Variants in PHTF2 observed in about 807,000 individuals in gnomAD.
The protein encoded by PHTF2 is putative homeodomain transcription factor 2.
A neutral mutation model predicts 101.2 loss-of-function variants in PHTF2; 60 were observed. The observed-to-expected ratio is 0.59, with a 90% CI of 0.48 to 0.73. The LOEUF is 0.73. Ranked by LOEUF, PHTF2 falls within the 30% of genes least tolerant of loss-of-function variation. PHTF2 has a pLI of 0.00. For missense variants in PHTF2, 747 were observed against 908.7 expected, an observed-to-expected ratio of 0.82 and a Z score of 2.29; for synonymous variants, 311 against 307.3, an observed-to-expected ratio of 1.01 and a Z score of -0.13.
chr7:77,804,762 G>A (rs1039330061), intron 1 of PHTF2, among the ~76,000 whole-genome samples: 7 of 152,100 alleles, frequency 4.6e-5, no homozygotes, highest in East Asian at 1.9e-4. Flanking sequence ...ATCATGCCTC[G>A]TCCCAACACC....
At chr7:77,900,381 A>G (rs1801281328) in intron 5 of PHTF2, among the ~76,000 whole-genome samples, 1 of 152,120 alleles carries the variant, frequency 6.6e-6, no homozygotes, top group African/African-American at 2.4e-5. Context: ...CGCTCTCCAA[A>G]TGCCAATATG....
chr7:77,845,374 A>G (rs1394478276), intron 2 of PHTF2, among the ~76,000 whole-genome samples: 8 of 152,224 alleles, frequency 5.3e-5, no homozygotes, highest in Non-Finnish European at 1.2e-4. Context: ...ATAGTAAAAC[A>G]GTGAATTTAG....
At chr7:77,916,608 T>C (rs993892883) in intron 9 of PHTF2, among the ~76,000 whole-genome samples, 5 of 151,884 alleles carry the variant, frequency 3.3e-5, no homozygotes, top group Admixed American at 2.0e-4. Flanking sequence ...CCATGGGAGA[T>C]TGGTTCTGGG....
chr7:77,860,444 G>A (rs1183934168), intron 3 of PHTF2, among the ~76,000 whole-genome samples: 1 of 152,154 alleles, frequency 6.6e-6, no homozygotes, highest in Non-Finnish European at 1.5e-5. Context: ...GCTGTCCTAG[G>A]TTAGCTGGTT....
chr7:77,836,962 T>C (rs560024816), intron 1 of PHTF2, among the ~76,000 whole-genome samples: 1 of 118,652 alleles, frequency 8.4e-6, no homozygotes, highest in Non-Finnish European at 1.8e-5. Flanking sequence ...ACTTAAAGTA[T>C]AATAAAAAAA....
chr7:77,931,179 A>G (rs541095431), intron 12 of PHTF2, among the ~76,000 whole-genome samples: 2 of 152,364 alleles, frequency 1.3e-5, no homozygotes, highest in Admixed American at 6.5e-5. Context: ...AGAAGAAAAT[A>G]CAGGAGAAAA....
chr7:77,890,307 G>C (rs1209217653), intron 3 of PHTF2, among the ~76,000 whole-genome samples: 2 of 152,086 alleles, frequency 1.3e-5, no homozygotes, highest in Non-Finnish European at 2.9e-5. Context: ...TACCATGCTG[G>C]AGTTGCACTG....
intron 1 of PHTF2, among the ~76,000 whole-genome samples, chr7:77,823,792 A>C (rs1234099317): frequency 2.0e-5 from 3 of 152,252 alleles, no homozygotes; most frequent in Non-Finnish European, 2.9e-5. Context: ...AAACTGTGTG[A>C]AACAAAGTAG....
intron 3 of PHTF2, among the ~76,000 whole-genome samples, chr7:77,888,878 G>A (rs1800111750): frequency 6.6e-6 from 1 of 151,944 alleles, no homozygotes; most frequent in African/African-American, 2.4e-5. Context: ...AAAATAAGAG[G>A]GATACAGTAA....
At chr7:77,916,621 ACCTCCACCCACCACCACTCCCAACCACC>A (rs1802950741) in intron 9 of PHTF2, among the ~76,000 whole-genome samples, 1 of 151,830 alleles carries the variant, frequency 6.6e-6, no homozygotes, top group Admixed American at 6.6e-5. Context: ...GTTCTGGGAT[ACCTCCACCCACCACCACTCCCAACCACC>A]CCCCCACCCA....
At chr7:77,896,591 T>C (rs1388130195) in intron 5 of PHTF2, among the ~76,000 whole-genome samples, 3 of 152,084 alleles carry the variant, frequency 2.0e-5, no homozygotes, top group African/African-American at 4.8e-5. Flanking sequence ...AAACTTATCA[T>C]CCTCCCTACT....
intron 9 of PHTF2, among the ~76,000 whole-genome samples, chr7:77,914,272 G>A (rs921964972): frequency 1.3e-5 from 2 of 152,136 alleles, no homozygotes; most frequent in African/African-American, 4.8e-5. Flanking sequence ...CTGCCAAGGA[G>A]AGTCAGGAAG....
At chr7:77,807,102 C>G (rs992724151) in intron 1 of PHTF2, among the ~76,000 whole-genome samples, 7 of 152,104 alleles carry the variant, frequency 4.6e-5, no homozygotes, top group Non-Finnish European at 1.0e-4. Context: ...GAATAATATC[C>G]TGTCATATGT....
intron 1 of PHTF2, among the ~76,000 whole-genome samples, chr7:77,823,229 C>CTTTTTTTTT (rs983304219): frequency 8.1e-6 from 1 of 123,094 alleles, no homozygotes; most frequent in Non-Finnish European, 1.7e-5. Context: ...AAATTACTCT[C>CTTTTTTTTT]TTTTTTTTTG....
intron 3 of PHTF2, among the ~76,000 whole-genome samples, chr7:77,884,743 T>C (rs1255940860): frequency 5.9e-5 from 9 of 151,966 alleles, no homozygotes; most frequent in Non-Finnish European, 1.2e-4. Context: ...CCAAAAATGT[T>C]AAAAAATTAG....
intron 3 of PHTF2, among the ~76,000 whole-genome samples, chr7:77,881,515 G>GT (rs1428870144): frequency 3.9e-5 from 3 of 77,008 alleles, no homozygotes; most frequent in Non-Finnish European, 8.0e-5. Flanking sequence ...CCAATGGCTG[G>GT]TTTTGTTTTT....
intron 3 of PHTF2, among the ~76,000 whole-genome samples, chr7:77,871,444 T>C (rs1254815992): frequency 1.3e-5 from 2 of 152,140 alleles, no homozygotes; most frequent in African/African-American, 4.8e-5. Context: ...GAGTTGTGTC[T>C]CCTCTTGGCA....
intron 2 of PHTF2, among the ~76,000 whole-genome samples, chr7:77,841,075 C>CTTATTTTTTTTTTTTTTTTTT (rs1795832821): frequency 1.3e-5 from 1 of 77,286 alleles, no homozygotes; most frequent in Non-Finnish European, 2.3e-5. Context: ...AAAAAACAGA[C>CTTATTTTTTTTTTTTTTTTTT]TTTTTTTTTT....
chr7:77,802,542 A>T (rs756667659), intron 1 of PHTF2, among the ~76,000 whole-genome samples: 7 of 151,794 alleles, frequency 4.6e-5, no homozygotes, highest in Non-Finnish European at 8.8e-5. Flanking sequence ...TGATAGTGGG[A>T]CAGAGTTTTT....
Sources: gnomAD v4.1 joint callset for allele counts (sites outside exome capture counted in the v4.1 genomes callset) on GRCh38, gnomAD v4.1.1 for gene constraint, MANE v1.5 for transcripts, NCBI Gene and HGNC (gene_info 2026-07-23, HGNC 2026-07-21) for gene names.